Variants in CHL1 observed in about 807,000 individuals in gnomAD.
The protein encoded by CHL1 is neural cell adhesion molecule L1-like protein.
In CHL1, 96 loss-of-function variants were observed where a neutral mutation model predicts 141.9. That is an observed-to-expected ratio of 0.68 (90% confidence interval 0.57 to 0.80). CHL1 has a LOEUF of 0.80. Ranked by LOEUF, CHL1 falls within the 30% of genes least tolerant of loss-of-function variation. CHL1 has a pLI of 0.00. For synonymous variants in CHL1, 613 were observed against 502.2 expected, an observed-to-expected ratio of 1.22 and a Z score of -2.95; for missense variants, 1,820 against 1,457.2, an observed-to-expected ratio of 1.25 and a Z score of -4.05.
At chr3:369,368 A>G (rs941850088) in intron 15 of CHL1, among the ~76,000 whole-genome samples, 6 of 152,016 alleles carry the variant, frequency 3.9e-5, no homozygotes, top group Non-Finnish European at 5.9e-5. Context: ...GCAATTGTGA[A>G]TGGGAGTTCA....
At chr3:307,695 C>T (rs1393686008) in intron 2 of CHL1, among the ~76,000 whole-genome samples, 2 of 151,916 alleles carry the variant, frequency 1.3e-5, no homozygotes, top group Admixed American at 6.6e-5. Flanking sequence ...CTGCTAACAT[C>T]GACTATAGTG....
chr3:376,484 T>C (rs1447015791), intron 15 of CHL1: 3 of 492,264 alleles, frequency 6.1e-6, no homozygotes, highest in Admixed American at 2.1e-5. Flanking sequence ...CGTTGATTAA[T>C]TGGAGGCACC....
intron 2 of CHL1, among the ~76,000 whole-genome samples, chr3:260,518 G>A (rs531970933): frequency 6.6e-6 from 1 of 152,110 alleles, no homozygotes; most frequent in Non-Finnish European, 1.5e-5. Context: ...ATGATGTCAT[G>A]GTTGAGGATT....
At chr3:274,851 G>T (rs959328381) in intron 2 of CHL1, among the ~76,000 whole-genome samples, 4 of 152,062 alleles carry the variant, frequency 2.6e-5, no homozygotes, top group African/African-American at 9.7e-5. Context: ...TATTATTGAT[G>T]TCTTATTGAA....
At position 363,234 on chromosome 3, in the gene CHL1, T is replaced by G; in HGVS notation, c.1436T>G (p.Val479Gly). ...AVVSWQKVEEVKPLEGRRYHI... is the reference protein window; with the variant it reads ...AVVSWQKVEEGKPLEGRRYHI... ...GTCCATAGGCAGAAGGTGGAAGAAG[T>G]GAAACCCCTGGAGGGCAGGCGGTAT... The change falls in exon 14 of 28, where the codon GTG becomes GGG. Residue 479 changes from valine (V) to glycine (G), a missense_variant. By Grantham distance (109) the Val-to-Gly change is moderately radical (BLOSUM62 -3). Transcript: ENST00000256509. 6.2e-7 allele frequency: 1 copy of G among 1,610,456 alleles called. No individual in the cohort carries two copies. The highest frequency in any genetic ancestry group is 8.5e-7 in the Non-Finnish European group (1 of 1,178,876).
intron 16 of CHL1, among the ~76,000 whole-genome samples, chr3:380,941 G>A (rs1314665967): frequency 6.6e-6 from 1 of 152,158 alleles, no homozygotes; most frequent in Non-Finnish European, 1.5e-5. Flanking sequence ...TCTTGGAGAT[G>A]AATCAGGCAT....
intron 2 of CHL1, among the ~76,000 whole-genome samples, chr3:303,839 C>T (rs915130957): frequency 6.6e-6 from 1 of 152,126 alleles, no homozygotes; most frequent in Non-Finnish European, 1.5e-5. Context: ...TTTGCCCATT[C>T]AGTATGATAT....
chr3:259,719 T>C (rs1328139350), intron 2 of CHL1, among the ~76,000 whole-genome samples: 1 of 152,210 alleles, frequency 6.6e-6, no homozygotes, highest in Non-Finnish European at 1.5e-5. Context: ...TTTGTTTTTT[T>C]ACCACTGCTA....
In CHL1 at chr3:336,780, G is replaced by A. The variant is rs552459628; in HGVS notation, c.386-4014G>A. 6.6e-5 allele frequency among the ~76,000 whole-genome samples: 10 copies of A among 152,238 alleles called. No individual in the cohort carries two copies. The East Asian group carries it at 1.7e-3, about 26-fold the overall frequency. ...TCTGTATATTATGTTGAAATAATTG[G>A]GATGATGAGTTTTCAAAACTCATTG... On this transcript the variant is annotated intron_variant, in intron 5 of 27. Coordinates refer to ENST00000256509, the MANE Select transcript of CHL1 (RefSeq NM_006614.4).
intron 5 of CHL1, among the ~76,000 whole-genome samples, chr3:329,492 A>C (rs1467008592): frequency 6.6e-6 from 1 of 152,052 alleles, no homozygotes; most frequent in East Asian, 1.9e-4. Flanking sequence ...TAAGGTGTGC[A>C]TCTTAAAATT....
chr3:325,484 A>C (rs1012280287), intron 3 of CHL1, among the ~76,000 whole-genome samples: 1 of 152,054 alleles, frequency 6.6e-6, no homozygotes, highest in Admixed American at 6.6e-5. Context: ...TCTAATGACC[A>C]GTAATAGAAT....
intron 1 of CHL1, among the ~76,000 whole-genome samples, chr3:237,678 C>T (rs189816043): frequency 3.7e-4 from 56 of 152,138 alleles, no homozygotes; most frequent in Middle Eastern, 3.4e-3. Flanking sequence ...TAATTGAATT[C>T]GTTTAATCTT....
chr3:314,323 C>CTCTCTA (rs1699988439), intron 2 of CHL1, among the ~76,000 whole-genome samples: 1 of 60,160 alleles, frequency 1.7e-5, no homozygotes, highest in Non-Finnish European at 3.4e-5. Context: ...CTCTCTCTCT[C>CTCTCTA]TATGTGTATA....
intron 15 of CHL1, among the ~76,000 whole-genome samples, chr3:366,592 G>C (rs769895560): frequency 2.0e-5 from 3 of 150,616 alleles, no homozygotes; most frequent in Non-Finnish European, 4.4e-5. Flanking sequence ...TTTTGCTACT[G>C]ACTTTTCATG....
intron 27 of CHL1, among the ~76,000 whole-genome samples, chr3:404,878 C>A (rs1709411286): frequency 6.6e-6 from 1 of 152,102 alleles, no homozygotes; most frequent in Non-Finnish European, 1.5e-5. Context: ...AGAACAGAAA[C>A]TTAATTCCCA....
rs773490676 is a variant in CHL1 at position 390,942 on chromosome 3, G to A, written c.2587-13G>A. On this transcript the variant is annotated splice_polypyrimidine_tract_variant and intron_variant, in intron 21 of 27. Coordinates refer to ENST00000256509, the MANE Select transcript of CHL1 (RefSeq NM_006614.4). ...ACAATGGATATACTAAAAGATTTTG[G>A]TTTTCATTGCAGATAAATTGGTGGA... 1 of 1,611,750 alleles carries A rather than the reference G, an allele frequency of 6.2e-7. No homozygotes were observed. The highest frequency in any genetic ancestry group is 1.1e-5 in the South Asian group (1 of 90,978).
At chr3:387,497 A>G (rs781197415) in intron 19 of CHL1, among the ~76,000 whole-genome samples, 19 of 152,234 alleles carry the variant, frequency 1.2e-4, no homozygotes, top group Non-Finnish European at 1.5e-4. Context: ...AAGGCCGCTA[A>G]TATAGCTAAA....
At position 405,551 on chromosome 3, in the gene CHL1, A is replaced by C. The variant is rs772770186; in HGVS notation, c.3515A>C (p.Gln1172Pro). The change falls in exon 28 of 28, where the codon CAG becomes CCG. Residue 1172 changes from glutamine to proline, a missense_variant. Physicochemically the swap from Gln to Pro is moderately conservative, Grantham distance 76. Transcript: ENST00000256509. ...CTTCGGTCCCTTAATAGGGATATGC[A>C]GCCTACTGAAAGTGCTGACAGCTTA... is the stretch of plus-strand genomic sequence containing the variant. The part of the protein sequence containing the change: ...GSLRSLNRDM[Q>P]PTESADSLVE... The C allele has an allele frequency of 1.4e-5, 22 of 1,613,508 alleles. 1 individual carries two copies. The South Asian group carries it at 2.4e-4, about 18-fold the overall frequency.
chr3:362,965 G>T (rs1177158034), intron 13 of CHL1, among the ~76,000 whole-genome samples: 1 of 152,192 alleles, frequency 6.6e-6, no homozygotes, highest in Non-Finnish European at 1.5e-5. Flanking sequence ...GCAAACCGGT[G>T]CTGGTGGCTA....
Sources: gnomAD v4.1 joint callset for allele counts (sites outside exome capture counted in the v4.1 genomes callset) on GRCh38, gnomAD v4.1.1 for gene constraint, MANE v1.5 for transcripts, NCBI Gene and HGNC (gene_info 2026-07-23, HGNC 2026-07-21) for gene names.